Variants in DST observed in about 807,000 individuals in gnomAD.
The protein encoded by DST is bullous pemphigoid antigen.
DST carries 253 observed loss-of-function variants against 875.2 expected under a neutral mutation model. That is an observed-to-expected ratio of 0.29 (90% confidence interval 0.26 to 0.32). DST has a LOEUF of 0.32. Ranked by LOEUF, DST falls within the 10% of genes least tolerant of loss-of-function variation. The pLI is 1.00. For missense variants in DST, 8,287 were observed against 9,111.6 expected, an observed-to-expected ratio of 0.91 and a Z score of 3.68; for synonymous variants, 3,124 against 3,197.1, an observed-to-expected ratio of 0.98 and a Z score of 0.77.
At chr6:56,637,968 T>C (rs569185098) in intron 22 of DST, among the ~76,000 whole-genome samples, 4 of 152,102 alleles carry the variant, frequency 2.6e-5, no homozygotes, top group Middle Eastern at 6.8e-3. Context: ...AAAAGATGTA[T>C]CATATTTTTT....
intron 96 of DST, 74 bp downstream of exon 96, chr6:56,470,054 G>C (rs1366374084): frequency 6.2e-7 from 1 of 1,600,364 alleles, no homozygotes; most frequent in Non-Finnish European, 8.6e-7. Flanking sequence ...AAATAAAATG[G>C]TTGTATGAAT....
intron 5 of DST, among the ~76,000 whole-genome samples, chr6:56,720,579 G>C (rs2099411134): frequency 6.6e-6 from 1 of 151,982 alleles, no homozygotes. Flanking sequence ...CTGCCTTCAA[G>C]CATCTGTTTA....
intron 61 of DST, among the ~76,000 whole-genome samples, chr6:56,547,358 T>G (rs1184082321): frequency 6.6e-6 from 1 of 152,190 alleles, no homozygotes; most frequent in African/African-American, 2.4e-5. Context: ...AATGCCACTT[T>G]GCTCTGGGTT....
At chr6:56,847,147 A>G (rs1440723533) in intron 4 of DST, among the ~76,000 whole-genome samples, 1 of 151,770 alleles carries the variant, frequency 6.6e-6, no homozygotes, top group Non-Finnish European at 1.5e-5. Flanking sequence ...ATGAGAACCC[A>G]TCTCTATAAA....
At chr6:56,594,234 G>C (rs376679774) in intron 47 of DST, 41 bp from the exon 48 acceptor site, 1 of 1,482,962 alleles carries the variant, frequency 6.7e-7, no homozygotes, top group Non-Finnish European at 8.9e-7. Flanking sequence ...AAGCAGTAAC[G>C]GGGTAACACC....
chr6:56,770,784 C>T (rs59389582), intron 4 of DST, among the ~76,000 whole-genome samples: 1,751 of 152,064 alleles, frequency 0.012, 33 homozygotes, highest in African/African-American at 0.041. Flanking sequence ...GTGGATCGCC[C>T]GAGGTCAGGA....
At position 56,640,551 on chromosome 6, in the gene DST, C is replaced by A; in HGVS notation, c.2082G>T (p.Val694=). 2.5e-6 allele frequency: 4 copies of A among 1,614,190 alleles called. No individual in the cohort carries two copies. In the African/African-American group the frequency reaches 5.3e-5, roughly 22 times the overall value. ...TTGTCAGTATGCGTCCTTTGCTGTA[C>A]ACAGAAGAACATTCGTTCCTTAAGG... is the stretch of plus-strand genomic sequence containing the variant. ...IMALRNECSS[V]YSKGRILTTE... Residue 694 remains valine (V), a synonymous_variant, in exon 18 of 104, where the codon GTG becomes GTT. Coordinates refer to ENST00000680361, the MANE Select transcript of DST (RefSeq NM_001374736.1).
intron 5 of DST, among the ~76,000 whole-genome samples, chr6:56,731,355 G>A (rs909290526): frequency 3.9e-5 from 6 of 152,214 alleles, no homozygotes; most frequent in African/African-American, 1.2e-4. Context: ...TGGGACTACA[G>A]GTGTGCACCA....
chr6:56,936,360 A>T (rs1813005198), intron 2 of DST, among the ~76,000 whole-genome samples: 1 of 152,238 alleles, frequency 6.6e-6, no homozygotes, highest in Non-Finnish European at 1.5e-5. Context: ...GCCAAAATTC[A>T]AAGTATATGA....
At chr6:56,936,761 T>A (rs953881520) in intron 2 of DST, among the ~76,000 whole-genome samples, 1 of 151,260 alleles carries the variant, frequency 6.6e-6, no homozygotes, top group Non-Finnish European at 1.5e-5. Context: ...CATACAGAAT[T>A]AAAAAGAGCA....
In DST at chr6:56,624,563, A is replaced by G; in HGVS notation, c.4896T>C (p.Ala1632=). ...CTTCCAGCCTCTTCAATGAATCACCAGCAAATTTAATATATTGTGTCATGA... is the reference window on the plus strand; with the variant it reads ...CTTCCAGCCTCTTCAATGAATCACCGGCAAATTTAATATATTGTGTCATGA... ...VTLMTQYIKF[A]GDSLKRLEEE... The change falls in exon 36 of 104, where the codon GCT becomes GCC. Residue 1632 remains alanine (A), a synonymous_variant. Transcript: ENST00000680361. 2 of 1,613,422 alleles carry G rather than the reference A, an allele frequency of 1.2e-6. No homozygotes were observed. The highest frequency in any genetic ancestry group is 8.5e-7 in the Non-Finnish European group (1 of 1,179,628).
At chr6:56,746,584 T>C (rs2099573096) in intron 4 of DST, among the ~76,000 whole-genome samples, 1 of 151,984 alleles carries the variant, frequency 6.6e-6, no homozygotes, top group Admixed American at 6.6e-5. Flanking sequence ...AAATAATATA[T>C]ATAAAAGGTG....
intron 5 of DST, among the ~76,000 whole-genome samples, chr6:56,732,672 A>G (rs563826909): frequency 3.9e-5 from 6 of 152,360 alleles, no homozygotes; most frequent in Non-Finnish European, 7.3e-5. Context: ...CCACGCCAGT[A>G]TCAACCCTGA....
chr6:56,736,400 A>G (rs533291111), intron 4 of DST, among the ~76,000 whole-genome samples: 1 of 152,362 alleles, frequency 6.6e-6, no homozygotes, highest in African/African-American at 2.4e-5. Flanking sequence ...TAATCATCCA[A>G]CACCTAAAGC....
intron 3 of DST, among the ~76,000 whole-genome samples, chr6:56,884,989 CA>C (rs1163858850): frequency 6.6e-6 from 1 of 150,512 alleles, no homozygotes; most frequent in Admixed American, 6.6e-5. Flanking sequence ...CTCGGCCTCC[CA>C]AAGTGCTGGG....
In DST at chr6:56,481,994, T is replaced by C. The variant is rs191182519; in HGVS notation, c.21531+56A>G. The C allele has an allele frequency of 2.0e-5, 31 of 1,563,986 alleles. No homozygotes were observed. In the Middle Eastern group the frequency reaches 1.0e-3, roughly 51 times the overall value. The stretch of plus-strand genomic sequence containing the variant: ...GTTGATATTTGTAATCCCGAGTCTA[T>C]TTTCCCTGCTTTGATTTTCTAATTT... On this transcript the variant is annotated intron_variant, in intron 90 of 103. Coordinates refer to ENST00000680361, the MANE Select transcript of DST (RefSeq NM_001374736.1).
At chr6:56,743,069 T>C (rs1197510719) in intron 4 of DST, among the ~76,000 whole-genome samples, 1 of 152,126 alleles carries the variant, frequency 6.6e-6, no homozygotes, top group Non-Finnish European at 1.5e-5. Flanking sequence ...CCTAATCTAA[T>C]AATGCAGGAA....
chr6:56,855,922 G>C (rs1438270165), intron 3 of DST, among the ~76,000 whole-genome samples: 1 of 152,178 alleles, frequency 6.6e-6, no homozygotes. Flanking sequence ...GAACTCCACT[G>C]ACAGTGGCCC....
chr6:56,594,657 C>T (rs1411055140), intron 47 of DST, among the ~76,000 whole-genome samples: 1 of 152,280 alleles, frequency 6.6e-6, no homozygotes, highest in East Asian at 1.9e-4. Context: ...TAACTTTAAG[C>T]TTTAAAAAGG....
Sources: allele counts gnomAD v4.1 joint callset (sites outside exome capture counted in the v4.1 genomes callset), GRCh38; gene constraint gnomAD v4.1.1; transcripts MANE v1.5; gene names NCBI Gene and HGNC (gene_info 2026-07-23, HGNC 2026-07-21).